The following DPYD variants were observed in gnomAD, a reference collection of about 807,000 sequenced individuals.
DPYD encodes dihydropyrimidine dehydrogenase [NADP(+)].
Under a neutral mutation model 116.2 loss-of-function variants are expected in DPYD, and 109 were observed. The ratio of observed to expected loss-of-function variants is 0.94; its 90% confidence interval spans 0.80 to 1.10. The LOEUF is 1.10. DPYD is among the 50% of genes least tolerant of loss of function. The probability of loss-of-function intolerance (pLI) is 0.00; values close to 1 mark genes in which losing one functional copy is unlikely to be tolerated. For synonymous variants in DPYD, 440 were observed against 432.0 expected (o/e 1.02, Z -0.23); for missense variants, 1,302 against 1,254.5 (o/e 1.04, Z -0.57).
intron 8 of DPYD, among the ~76,000 whole-genome samples, chr1:97,678,308 G>T (rs528579846): frequency 1.3e-5 from 2 of 152,162 alleles, no homozygotes; most frequent in Non-Finnish European, 2.9e-5. Context: ...ATGCTCGCTT[G>T]CCCACTATTC....
intron 20 of DPYD, among the ~76,000 whole-genome samples, chr1:97,139,419 T>A (rs1654046727): frequency 1.3e-5 from 2 of 151,980 alleles, no homozygotes; most frequent in Non-Finnish European, 2.9e-5. Flanking sequence ...TAAAGAAAAA[T>A]CAAAACATTA....
rs535534069 is a variant in DPYD, at chr1:97,289,099, A to C, written c.2299+16160T>G. ...CTAGAAAATCTAGAAGAAATGGATA[A>C]ATTCCTTGACACATACACCCTCCCA... is the stretch of plus-strand genomic sequence containing the variant. On this transcript the variant is annotated intron_variant, in intron 18 of 22. Transcript: ENST00000370192. Among the ~76,000 whole-genome samples, 67 of 152,338 alleles carry C rather than the reference A, an allele frequency of 4.4e-4. 1 individual carries two copies. The highest frequency in any genetic ancestry group is 1.6e-3 in the African/African-American group (66 of 41,566).
intron 8 of DPYD, among the ~76,000 whole-genome samples, chr1:97,642,315 G>A (rs1446950131): frequency 1.3e-5 from 2 of 152,062 alleles, no homozygotes; most frequent in South Asian, 2.1e-4. Context: ...CAAAGCTGGA[G>A]GCATCATGCT....
intron 3 of DPYD, among the ~76,000 whole-genome samples, chr1:97,780,909 C>G (rs1411444884): frequency 2.6e-5 from 4 of 152,108 alleles, no homozygotes; most frequent in African/African-American, 9.7e-5. Context: ...TAAGAGAATA[C>G]AGCAAGGTAA....
rs563361953 is a variant in DPYD, at chr1:97,408,302, G to T, written c.1906-25841C>A. ...CCACGTGACCAGCTACAGAAATGAG[G>T]ACTGTAATTGTCATGAGTATTTCCT... On this transcript the variant is annotated intron_variant, in intron 14 of 22. Transcript: ENST00000370192. 3.3e-5 allele frequency among the ~76,000 whole-genome samples: 5 copies of T among 152,182 alleles called. No homozygotes were observed. In the South Asian group the frequency reaches 1.0e-3, roughly 32 times the overall value.
rs1288362166 is a variant in DPYD, at chr1:97,615,767, A to AAT, written c.851-20603_851-20602dup. 3.9e-5 allele frequency among the ~76,000 whole-genome samples: 6 copies of AAT among 152,288 alleles called. No homozygotes were observed. The East Asian group carries it at 1.2e-3, about 29-fold the overall frequency. On this transcript the variant is annotated intron_variant, in intron 8 of 22. Transcript: ENST00000370192. ...CCCAGTGTTTCACTCCTTAGCAAGG[A>AAT]ATATAAGGCCCTTCATTATTTGAAC...
chr1:97,225,755 T>C (rs2100710052), intron 19 of DPYD, among the ~76,000 whole-genome samples: 1 of 152,166 alleles, frequency 6.6e-6, no homozygotes. Context: ...TTTTGTTGCA[T>C]GTCCTTTGAT....
intron 13 of DPYD, among the ~76,000 whole-genome samples, chr1:97,468,704 G>T (rs1677466118): frequency 6.6e-6 from 1 of 152,176 alleles, no homozygotes; most frequent in Admixed American, 6.6e-5. Context: ...GGCTGGATTT[G>T]ACCCACGGGG....
intron 12 of DPYD, among the ~76,000 whole-genome samples, chr1:97,522,933 T>A (rs542187523): frequency 6.6e-6 from 1 of 152,336 alleles, no homozygotes; most frequent in African/African-American, 2.4e-5. Context: ...GTATTCTAGT[T>A]ATCCTTTGTC....
chr1:97,463,898 T>TA (rs1371870357), intron 13 of DPYD, among the ~76,000 whole-genome samples: 1 of 152,098 alleles, frequency 6.6e-6, no homozygotes, highest in Non-Finnish European at 1.5e-5. Flanking sequence ...TGGGTGGTGT[T>TA]AAAGGCACTC....
At chr1:97,220,986 C>T (rs1557948735) in intron 19 of DPYD, among the ~76,000 whole-genome samples, 1 of 152,070 alleles carries the variant, frequency 6.6e-6, no homozygotes, top group Non-Finnish European at 1.5e-5. Context: ...CAAGTAGAGC[C>T]CAGGAGCCCC....
chr1:97,395,078 T>G (rs551654749), intron 14 of DPYD, among the ~76,000 whole-genome samples: 1 of 151,998 alleles, frequency 6.6e-6, no homozygotes, highest in African/African-American at 2.4e-5. Context: ...CTGTGCCCTA[T>G]TGCTCCTCTG....
chr1:97,789,137 T>C (rs1667190472), intron 3 of DPYD, among the ~76,000 whole-genome samples: 1 of 152,156 alleles, frequency 6.6e-6, no homozygotes, highest in Non-Finnish European at 1.5e-5. Context: ...AGAAATAACC[T>C]GCACTGGGGT....
At chr1:97,523,781 T>C (rs1051208008) in intron 12 of DPYD, among the ~76,000 whole-genome samples, 2 of 152,144 alleles carry the variant, frequency 1.3e-5, no homozygotes, top group Admixed American at 6.6e-5. Context: ...CAAAAGTCAG[T>C]CCTGTTGTCC....
chr1:97,107,390 A>G (rs2101616459), intron 20 of DPYD, among the ~76,000 whole-genome samples: 1 of 152,248 alleles, frequency 6.6e-6, no homozygotes, highest in East Asian at 1.9e-4. Context: ...ACTTAGTTTT[A>G]CTTTCCTTGC....
intron 16 of DPYD, among the ~76,000 whole-genome samples, chr1:97,352,964 C>T (rs1297621783): frequency 6.6e-6 from 1 of 151,666 alleles, no homozygotes; most frequent in Non-Finnish European, 1.5e-5. Context: ...CAAGATCAAG[C>T]AAGGGGGGTG....
intron 20 of DPYD, among the ~76,000 whole-genome samples, chr1:97,188,713 T>C (rs556832741): frequency 6.6e-6 from 1 of 152,308 alleles, no homozygotes; most frequent in East Asian, 1.9e-4. Flanking sequence ...AATATATTAA[T>C]GATTGATCAG....
intron 8 of DPYD, among the ~76,000 whole-genome samples, chr1:97,602,445 G>A (rs944043245): frequency 6.6e-6 from 1 of 151,876 alleles, no homozygotes; most frequent in Non-Finnish European, 1.5e-5. Flanking sequence ...GTATTAAGAA[G>A]TACAAGTACA....
chr1:97,570,109 A>T (rs575664884), intron 11 of DPYD, among the ~76,000 whole-genome samples: 1 of 152,178 alleles, frequency 6.6e-6, no homozygotes, highest in East Asian at 1.9e-4. Flanking sequence ...ACACTAAAAA[A>T]GTTATTTTAC....
Sources: gnomAD v4.1 joint callset for allele counts (sites outside exome capture counted in the v4.1 genomes callset) on GRCh38, gnomAD v4.1.1 for gene constraint, MANE v1.5 for transcripts, NCBI Gene and HGNC (gene_info 2026-07-23, HGNC 2026-07-21) for gene names.